The following NELL2 variants were observed in gnomAD, a reference collection of about 807,000 sequenced individuals.
NELL2 encodes neural EGFL like 2, also known as protein kinase C-binding protein NELL2.
A neutral mutation model predicts 109.6 loss-of-function variants in NELL2; 41 were observed. The ratio of observed to expected loss-of-function variants is 0.37; its 90% CI spans 0.29 to 0.49. The LOEUF (loss-of-function observed/expected upper bound fraction) is 0.49. NELL2 is among the 20% of genes least tolerant of loss of function. The probability of loss-of-function intolerance (pLI) is 0.98; values close to 1 mark genes in which losing one functional copy is unlikely to be tolerated. For missense variants in NELL2, 900 were observed against 1,008.3 expected (o/e 0.89, Z 1.45); for synonymous variants, 355 against 344.7 (o/e 1.03, Z -0.33).
intron 15 of NELL2, among the ~76,000 whole-genome samples, chr12:44,579,623 A>T (rs898339766): frequency 2.0e-5 from 3 of 152,206 alleles, no homozygotes; most frequent in Non-Finnish European, 4.4e-5. Context: ...CTTAAAACAG[A>T]AGAATGCCTA....
At chr12:44,855,561 G>A (rs1944660196) in intron 2 of NELL2, among the ~76,000 whole-genome samples, 1 of 152,014 alleles carries the variant, frequency 6.6e-6, no homozygotes, top group South Asian at 2.1e-4. Flanking sequence ...CAACTCCCTG[G>A]TTGCTGTACC....
chr12:44,834,674 G>A (rs530615620), intron 2 of NELL2, among the ~76,000 whole-genome samples: 9 of 152,116 alleles, frequency 5.9e-5, no homozygotes, highest in Middle Eastern at 6.8e-3. Context: ...AAGTGTGAGC[G>A]CTCGGGCCTC....
chr12:44,610,138 C>T (rs761829290), intron 14 of NELL2, among the ~76,000 whole-genome samples: 2 of 151,324 alleles, frequency 1.3e-5, no homozygotes, highest in African/African-American at 2.4e-5. Context: ...AATGATCAAT[C>T]GGCATTAACA....
intron 12 of NELL2, among the ~76,000 whole-genome samples, chr12:44,669,024 CTGGTGCCCAGG>C (rs1425603539): frequency 2.6e-5 from 4 of 152,158 alleles, no homozygotes; most frequent in African/African-American, 9.7e-5. Context: ...CAATGCACCA[CTGGTGCCCAGG>C]GACCAGCCCA....
At chr12:44,780,167 G>A in intron 3 of NELL2, 145 bp from the exon 4 acceptor site, 4 of 785,932 alleles carry the variant, frequency 5.1e-6, no homozygotes, top group Non-Finnish European at 7.9e-6. Flanking sequence ...AACAAACACA[G>A]AAGAATCTAG....
chr12:44,538,151 C>T (rs979000228), intron 15 of NELL2, among the ~76,000 whole-genome samples: 2 of 152,220 alleles, frequency 1.3e-5, no homozygotes, highest in African/African-American at 4.8e-5. Flanking sequence ...ACAACAGAAC[C>T]CTTTCAACTC....
At chr12:44,882,961 C>T (rs1171125991) in intron 1 of NELL2, among the ~76,000 whole-genome samples, 1 of 149,994 alleles carries the variant, frequency 6.7e-6, no homozygotes, top group Admixed American at 6.7e-5. Flanking sequence ...CTGCCTTGGC[C>T]TCCCAAGTAA....
At chr12:44,715,571 T>A (rs1418903725) in intron 9 of NELL2, among the ~76,000 whole-genome samples, 1 of 152,026 alleles carries the variant, frequency 6.6e-6, no homozygotes, top group East Asian at 1.9e-4. Flanking sequence ...TCAGCGTCCT[T>A]CTCTGGCTTA....
At chr12:44,823,671 G>A (rs1437176845) in intron 2 of NELL2, among the ~76,000 whole-genome samples, 1 of 152,050 alleles carries the variant, frequency 6.6e-6, no homozygotes, top group Non-Finnish European at 1.5e-5. Flanking sequence ...CCATAGCTTG[G>A]GTAGTGTCAA....
intron 1 of NELL2, among the ~76,000 whole-genome samples, chr12:44,906,018 T>C (rs1029429426): frequency 3.3e-5 from 5 of 152,054 alleles, no homozygotes; most frequent in Non-Finnish European, 2.9e-5. Flanking sequence ...AATAATATAA[T>C]AGGAAAGAAA....
chr12:44,765,916 T>C (rs1233793149), intron 9 of NELL2, among the ~76,000 whole-genome samples: 1 of 152,102 alleles, frequency 6.6e-6, no homozygotes, highest in Non-Finnish European at 1.5e-5. Context: ...CTTTAGGTGT[T>C]TGAGACCAGA....
At chr12:44,870,471 A>G (rs1474064736) in intron 2 of NELL2, among the ~76,000 whole-genome samples, 1 of 152,138 alleles carries the variant, frequency 6.6e-6, no homozygotes, top group African/African-American at 2.4e-5. Context: ...AATCACCACA[A>G]ACTTAGTGAC....
chr12:44,757,004 T>G (rs1479165458), intron 9 of NELL2, among the ~76,000 whole-genome samples: 1 of 152,166 alleles, frequency 6.6e-6, no homozygotes, highest in East Asian at 1.9e-4. Context: ...CTCAAACTCC[T>G]TATGGCCAAA....
At chr12:44,888,973 G>A (rs1945505194) in intron 1 of NELL2, among the ~76,000 whole-genome samples, 1 of 152,042 alleles carries the variant, frequency 6.6e-6, no homozygotes, top group South Asian at 2.1e-4. Flanking sequence ...TCCTAAGCCA[G>A]ACACAAATTC....
At chr12:44,859,449 G>A (rs956716582) in intron 2 of NELL2, among the ~76,000 whole-genome samples, 1 of 152,182 alleles carries the variant, frequency 6.6e-6, no homozygotes, top group Non-Finnish European at 1.5e-5. Context: ...GCTGAGGTGG[G>A]AGAATCGCTT....
intron 5 of NELL2, among the ~76,000 whole-genome samples, chr12:44,778,460 C>T (rs1468212049): frequency 6.6e-6 from 1 of 152,114 alleles, no homozygotes; most frequent in Non-Finnish European, 1.5e-5. Flanking sequence ...CACTGTACAA[C>T]TCTAATGGAT....
intron 12 of NELL2, among the ~76,000 whole-genome samples, chr12:44,692,438 T>A (rs536804331): frequency 6.6e-6 from 1 of 152,310 alleles, no homozygotes; most frequent in South Asian, 2.1e-4. Context: ...GATTAATGTT[T>A]TCATGGCTGC....
intron 3 of NELL2, among the ~76,000 whole-genome samples, chr12:44,793,827 T>C (rs1284384383): frequency 6.6e-6 from 1 of 152,240 alleles, no homozygotes; most frequent in Non-Finnish European, 1.5e-5. Flanking sequence ...TCAATTCTGA[T>C]ATTTTTGAAA....
chr12:44,637,117 A>G (rs1946667283), intron 13 of NELL2, among the ~76,000 whole-genome samples: 1 of 151,328 alleles, frequency 6.6e-6, no homozygotes, highest in African/African-American at 2.4e-5. Flanking sequence ...ATCATTTTTT[A>G]TTGTGTCTAT....
Sources: allele counts gnomAD v4.1 joint callset (sites outside exome capture counted in the v4.1 genomes callset), GRCh38; gene constraint gnomAD v4.1.1; transcripts MANE v1.5; gene names NCBI Gene and HGNC (gene_info 2026-07-23, HGNC 2026-07-21).